The following QSOX1 variants were observed in gnomAD, a reference collection of about 807,000 sequenced individuals.
The protein encoded by QSOX1 is quiescin sulfhydryl oxidase 1.
QSOX1 carries 40 observed loss-of-function variants against 76.1 expected under a neutral mutation model. The ratio of observed to expected loss-of-function variants is 0.53; its 90% CI spans 0.41 to 0.68. The LOEUF (loss-of-function observed/expected upper bound fraction) is 0.68, where lower values mean the gene tolerates loss of function less well. Among genes scored for constraint, QSOX1 ranks in the 30% least tolerant of loss-of-function variants. The probability of loss-of-function intolerance (pLI) is 0.00; values close to 1 mark genes in which losing one functional copy is unlikely to be tolerated. For synonymous variants in QSOX1, 392 were observed against 413.1 expected (o/e 0.95, Z 0.62); for missense variants, 931 against 974.3 (o/e 0.96, Z 0.59).
Position 180,198,731 on chromosome 1 carries a change from G to C in QSOX1, c.*1694G>C. 1 of 294,492 alleles carries C rather than the reference G, an allele frequency of 3.4e-6. No individual in the cohort carries two copies. The highest frequency in any genetic ancestry group is 8.8e-5 in the East Asian group (1 of 11,316). The allele number at this position is 294,492 out of a possible 1,614,324, so 18.2% of individuals were successfully genotyped here. ...GGCACCCATTGGCTCCATCCTCCTG[G>C]TTGTGCTCTGCACCCCCTGCTCCCT... On this transcript the variant is annotated 3_prime_UTR_variant, in exon 12 of 12. Transcript: ENST00000367602.
intron 1 of QSOX1, among the ~76,000 whole-genome samples, chr1:180,157,658 C>T (rs572494851): frequency 3.3e-5 from 5 of 152,096 alleles, no homozygotes; most frequent in African/African-American, 7.2e-5. Context: ...CCTGCTGCCC[C>T]GGGGCAGAGC....
Position 180,165,922 on chromosome 1 carries a change from G to T in QSOX1, c.266-569G>T, listed in dbSNP as rs554913930. Reference sequence around the variant, plus strand: ...TGGCCTCAAGGCTTCTTTCCCCGCAGTTCCTGGATTCCAGATGCTCCTGTT... The same window carrying T: ...TGGCCTCAAGGCTTCTTTCCCCGCATTTCCTGGATTCCAGATGCTCCTGTT... On this transcript the variant is annotated intron_variant, in intron 1 of 11. Transcript: ENST00000367602. Among the ~76,000 whole-genome samples the T allele has an allele frequency of 9.2e-5, 14 of 152,344 alleles. 1 individual carries two copies. In the South Asian group the frequency reaches 2.9e-3, roughly 32 times the overall value.
intron 9 of QSOX1, 62 bp downstream of exon 9, chr1:180,189,736 TA>T: frequency 6.5e-7 from 1 of 1,544,758 alleles, no homozygotes; most frequent in Non-Finnish European, 8.8e-7. Flanking sequence ...TGCAAGGGGT[TA>T]ACCCTGTCAT....
intron 8 of QSOX1, among the ~76,000 whole-genome samples, chr1:180,188,862 G>C (rs1452480030): frequency 6.6e-6 from 1 of 152,186 alleles, no homozygotes; most frequent in African/African-American, 2.4e-5. Context: ...TGCTGTGCAC[G>C]TGCACACACG....
intron 2 of QSOX1, among the ~76,000 whole-genome samples, chr1:180,170,364 C>A (rs1281901615): frequency 6.6e-6 from 1 of 152,128 alleles, no homozygotes; most frequent in Non-Finnish European, 1.5e-5. Flanking sequence ...GGTAATGGAT[C>A]CTCATGGGCT....
Position 180,164,137 on chromosome 1 carries a change from C to A in QSOX1, c.266-2354C>A, listed in dbSNP as rs560678432. Among the ~76,000 whole-genome samples, 5 of 152,292 alleles carry A rather than the reference C, an allele frequency of 3.3e-5. No individual in the cohort carries two copies. In the East Asian group the frequency reaches 9.6e-4, roughly 29 times the overall value. On this transcript the variant is annotated intron_variant, in intron 1 of 11. Transcript: ENST00000367602. ...GGGGCAGAGGGATTGCATCCTGGGCCTGGCATGCAACAGGCCCTGACCATA... is the reference window on the plus strand; with the variant it reads ...GGGGCAGAGGGATTGCATCCTGGGCATGGCATGCAACAGGCCCTGACCATA...
chr1:180,197,118 C>A lies in QSOX1; in HGVS notation c.*81C>A. ...CCTGACCCCATTCCCTCCCCTCCCA[C>A]CCCTTGCTCCTTGTCTGGCCTAGAA... On this transcript the variant is annotated 3_prime_UTR_variant, in exon 12 of 12. Transcript: ENST00000367602. 6.7e-7 allele frequency: 1 copy of A among 1,493,528 alleles called. No homozygotes were observed. Among genetic ancestry groups the A allele is most frequent in the Non-Finnish European group, 8.9e-7 (1 of 1,122,294 alleles). The allele number at this position is 1,493,528 out of a possible 1,614,324, so 92.5% of individuals were successfully genotyped here.
chr1:180,161,527 A>G (rs564079425), intron 1 of QSOX1, among the ~76,000 whole-genome samples: 2 of 152,380 alleles, frequency 1.3e-5, no homozygotes, highest in East Asian at 3.8e-4. Flanking sequence ...AACTTATGCA[A>G]ATAACAGTAT....
intron 2 of QSOX1, among the ~76,000 whole-genome samples, chr1:180,169,017 G>A (rs1278267841): frequency 6.6e-6 from 1 of 152,262 alleles, no homozygotes; most frequent in Non-Finnish European, 1.5e-5. Context: ...TGAGTGGCAT[G>A]TGTGACTGTC....
chr1:180,193,845 G>T (rs1466713527), intron 10 of QSOX1, among the ~76,000 whole-genome samples: 1 of 152,140 alleles, frequency 6.6e-6, no homozygotes, highest in African/African-American at 2.4e-5. Flanking sequence ...GGGAGGAAGG[G>T]CCAGGGGCTA....
In QSOX1 at chr1:180,159,473, C is replaced by G. The variant is rs75550482; in HGVS notation, c.265+4301C>G. Among the ~76,000 whole-genome samples, 658 of 152,314 alleles carry G rather than the reference C, an allele frequency of 4.3e-3. 5 individuals carry two copies. The highest frequency in any genetic ancestry group is 7.6e-3 in the Non-Finnish European group (520 of 68,020). On this transcript the variant is annotated intron_variant, in intron 1 of 11. Coordinates refer to ENST00000367602, the MANE Select transcript of QSOX1 (RefSeq NM_002826.5). ...ACAAAATTACACCACATTCAAAAAT[C>G]TTAACTGGCTTCTATTTGTGATTCT...
At chr1:180,186,754 G>A (rs924085659) in intron 8 of QSOX1, among the ~76,000 whole-genome samples, 14 of 152,376 alleles carry the variant, frequency 9.2e-5, no homozygotes, top group African/African-American at 3.4e-4. Context: ...ACTCTGCGAG[G>A]TGGGTGGTTT....
rs1484972561 is a variant in QSOX1 at position 180,166,568 on chromosome 1, A to G, written c.343A>G (p.Ile115Val). ...CAGTGCAGTCTGCAGAGACTTCAAC[A>G]TCCCTGGCTTCCCGACTGTGAGGGT... is the stretch of plus-strand genomic sequence containing the variant. ...TNSAVCRDFN[I>V]PGFPTVRFFK... The change falls in exon 2 of 12, where the codon ATC becomes GTC. Residue 115 changes from isoleucine (I) to valine (V), a missense_variant. By Grantham distance (29) the Ile-to-Val change is conservative. Coordinates refer to ENST00000367602, the MANE Select transcript of QSOX1 (RefSeq NM_002826.5). 5 of 1,613,994 alleles carry G rather than the reference A, an allele frequency of 3.1e-6. No individual in the cohort carries two copies. Among genetic ancestry groups the G allele is most frequent in the Non-Finnish European group, 4.2e-6 (5 of 1,180,000 alleles).
At position 180,193,860 on chromosome 1, in the gene QSOX1, G is replaced by A. The variant is rs755739254; in HGVS notation, c.1289-353G>A. 2.8e-3 allele frequency among the ~76,000 whole-genome samples: 427 copies of A among 152,256 alleles called. 3 individuals are homozygous for A. Among genetic ancestry groups the A allele is most frequent in the Non-Finnish European group, 5.7e-4 (39 of 68,000 alleles). On this transcript the variant is annotated intron_variant, in intron 10 of 11. Coordinates refer to ENST00000367602, the MANE Select transcript of QSOX1 (RefSeq NM_002826.5). ...GGGAGGAAGGGCCAGGGGCTAGGGC[G>A]GTGGCCCTCTGGCCCCTGCTGACCT... is the stretch of plus-strand genomic sequence containing the variant.
At position 180,183,941 on chromosome 1, in the gene QSOX1, A is replaced by C; in HGVS notation, c.778A>C (p.Thr260Pro). The change falls in exon 7 of 12, where the codon ACC (threonine) becomes CCC (proline). Residue 260 changes from threonine (T) to proline (P), a missense_variant. Coordinates refer to ENST00000367602, the MANE Select transcript of QSOX1 (RefSeq NM_002826.5). The part of the protein sequence containing the change: ...PVLMESRSFY[T>P]AYLQRLSGLT... ...GCTCATGGAATCCAGGTCCTTCTAT[A>C]CCGCTTACCTGCAGAGACTCTCTGG... 2 of 1,613,468 alleles carry C rather than the reference A, an allele frequency of 1.2e-6. No individual in the cohort carries two copies. Among genetic ancestry groups the C allele is most frequent in the South Asian group, 2.2e-5 (2 of 91,062 alleles).
At chr1:180,169,775 C>A (rs967379233) in intron 2 of QSOX1, among the ~76,000 whole-genome samples, 1 of 152,248 alleles carries the variant, frequency 6.6e-6, no homozygotes, top group Non-Finnish European at 1.5e-5. Context: ...CCGCACTCAC[C>A]ACTGCAGGCG....
chr1:180,181,459 C>T (rs1663033494), intron 5 of QSOX1, among the ~76,000 whole-genome samples: 1 of 152,214 alleles, frequency 6.6e-6, no homozygotes, highest in African/African-American at 2.4e-5. Flanking sequence ...TAACTATACA[C>T]ATTGACCAAA....
chr1:180,203,369 T>G lies in QSOX1; in HGVS notation c.*6332T>G, dbSNP rs1314580584. On this transcript the variant is annotated 3_prime_UTR_variant, in exon 12 of 12. Transcript: ENST00000367602. Reference sequence around the variant, plus strand: ...AAAGCAACATTAGGATGAACTTAAGTCAGGGCTTGGACTAGAGCAAGGCAA... The same window carrying G: ...AAAGCAACATTAGGATGAACTTAAGGCAGGGCTTGGACTAGAGCAAGGCAA... The G allele has an allele frequency of 6.6e-6, 1 of 152,184 alleles. No homozygotes were observed. Among genetic ancestry groups the G allele is most frequent in the Non-Finnish European group, 1.5e-5 (1 of 68,036 alleles). 9.4% of individuals were successfully genotyped at this position (152,184 alleles called of 1,614,324 possible).
chr1:180,170,417 G>A (rs75092292), intron 2 of QSOX1, among the ~76,000 whole-genome samples: 3,906 of 152,266 alleles, frequency 0.026, 154 homozygotes, highest in African/African-American at 0.088. Flanking sequence ...TCCTTAAAAC[G>A]TTATAAAAGC....
Sources: allele counts gnomAD v4.1 joint callset (sites outside exome capture counted in the v4.1 genomes callset), GRCh38; gene constraint gnomAD v4.1.1; transcripts MANE v1.5; gene names NCBI Gene and HGNC (gene_info 2026-07-23, HGNC 2026-07-21).